The following UNC5D variants were observed in gnomAD, a reference collection of about 807,000 sequenced individuals.
UNC5D encodes the protein unc-5 netrin receptor D.
UNC5D carries 39 observed loss-of-function variants against 105.4 expected under a neutral mutation model. The ratio of observed to expected loss-of-function variants is 0.37; its 90% confidence interval spans 0.29 to 0.48. The LOEUF is 0.48. UNC5D is among the 20% of genes least tolerant of loss of function. UNC5D has a pLI of 0.98. For synonymous variants in UNC5D, 452 were observed against 450.4 expected (o/e 1.00, Z -0.04); for missense variants, 991 against 1,202.4 (o/e 0.82, Z 2.60).
At chr8:35,371,484 C>A (rs892524082) in intron 1 of UNC5D, among the ~76,000 whole-genome samples, 1 of 152,074 alleles carries the variant, frequency 6.6e-6, no homozygotes, top group African/African-American at 2.4e-5. Context: ...ATGTTAGAGA[C>A]ATGCAAAACT....
At chr8:35,284,682 A>T (rs1438923097) in intron 1 of UNC5D, among the ~76,000 whole-genome samples, 2 of 151,936 alleles carry the variant, frequency 1.3e-5, no homozygotes, top group Non-Finnish European at 2.9e-5. Flanking sequence ...AGCCTCCTGG[A>T]TAGCTGATAC....
chr8:35,373,508 G>T (rs2128926799), intron 1 of UNC5D, among the ~76,000 whole-genome samples: 1 of 152,240 alleles, frequency 6.6e-6, no homozygotes, highest in Middle Eastern at 3.4e-3. Flanking sequence ...GATTCTACAT[G>T]CTTGTTCTCC....
chr8:35,598,357 T>G (rs1341488547), intron 4 of UNC5D, among the ~76,000 whole-genome samples: 1 of 152,198 alleles, frequency 6.6e-6, no homozygotes, highest in Non-Finnish European at 1.5e-5. Flanking sequence ...CATGAAGCAG[T>G]GCTGCTCAAG....
intron 10 of UNC5D, 149 bp from the exon 11 acceptor site, chr8:35,730,863 C>A: frequency 3.1e-6 from 2 of 635,414 alleles, no homozygotes; most frequent in Non-Finnish European, 2.7e-6. Context: ...CTGTTATAAT[C>A]TTGAACCTTA....
chr8:35,573,681 G>C (rs1817902110), intron 3 of UNC5D, among the ~76,000 whole-genome samples: 1 of 152,174 alleles, frequency 6.6e-6, no homozygotes, highest in South Asian at 2.1e-4. Context: ...TTTCCTTTCT[G>C]ATTCTGTTTA....
chr8:35,504,559 G>A (rs371037257), intron 1 of UNC5D, among the ~76,000 whole-genome samples: 2 of 152,150 alleles, frequency 1.3e-5, no homozygotes, highest in Non-Finnish European at 2.9e-5. Flanking sequence ...GGAAGGCCGA[G>A]GTTTTACCAC....
At chr8:35,375,935 T>G (rs1277485797) in intron 1 of UNC5D, among the ~76,000 whole-genome samples, 5 of 152,222 alleles carry the variant, frequency 3.3e-5, no homozygotes, top group Non-Finnish European at 7.3e-5. Flanking sequence ...TCTACCTCTT[T>G]ATACTCTCCC....
rs190282637 is a variant in UNC5D, at chr8:35,749,904, T to C, written c.1936-678T>C. Among the ~76,000 whole-genome samples, 652 of 149,774 alleles carry C rather than the reference T, an allele frequency of 4.4e-3. 5 individuals carry two copies. The highest frequency in any genetic ancestry group is 9.4e-3 in the Admixed American group (142 of 15,118). ...TTATTTAGTGGTCCCTTGTAAATGA[T>C]TTCAGTGGAATGAAAGAGGATAAAA... On this transcript the variant is annotated intron_variant, in intron 12 of 16. Coordinates refer to ENST00000404895, the MANE Select transcript of UNC5D (RefSeq NM_080872.4).
intron 3 of UNC5D, among the ~76,000 whole-genome samples, chr8:35,575,765 C>T (rs1300146762): frequency 1.3e-5 from 2 of 152,118 alleles, no homozygotes; most frequent in Non-Finnish European, 2.9e-5. Context: ...TCTGTAAATG[C>T]TCAGTCCTTT....
rs1802997808 is a variant in UNC5D, at chr8:35,790,653, G to A, written c.*90G>A. 1 of 1,407,152 alleles carries A rather than the reference G, an allele frequency of 7.1e-7. No homozygotes were observed. Among genetic ancestry groups the A allele is most frequent in the Non-Finnish European group, 9.8e-7 (1 of 1,017,206 alleles). 87.2% of individuals were successfully genotyped at this position (1,407,152 alleles called of 1,614,324 possible). ...GGCCGCTTTCTGCCCAGTGGCGTTG[G>A]GGGAATTCAGCCTTCATTTATAATC... On this transcript the variant is annotated 3_prime_UTR_variant, in exon 17 of 17. Transcript: ENST00000404895.
At chr8:35,606,804 C>A (rs1395243626) in intron 4 of UNC5D, among the ~76,000 whole-genome samples, 1 of 152,204 alleles carries the variant, frequency 6.6e-6, no homozygotes, top group African/African-American at 2.4e-5. Flanking sequence ...GCATACCCAG[C>A]CACCCACACT....
chr8:35,303,076 G>A (rs1412432883), intron 1 of UNC5D, among the ~76,000 whole-genome samples: 3 of 151,952 alleles, frequency 2.0e-5, no homozygotes, highest in African/African-American at 7.3e-5. Context: ...ATAATATTAT[G>A]TCAACATATA....
intron 1 of UNC5D, among the ~76,000 whole-genome samples, chr8:35,448,320 T>C (rs1165899717): frequency 6.6e-6 from 1 of 152,076 alleles, no homozygotes; most frequent in East Asian, 1.9e-4. Context: ...GGAAAGGAGT[T>C]AAATGAGGGG....
intron 1 of UNC5D, among the ~76,000 whole-genome samples, chr8:35,524,693 A>G (rs1813732799): frequency 6.6e-6 from 1 of 151,516 alleles, no homozygotes; most frequent in Non-Finnish European, 1.5e-5. Context: ...AAAGAAAACA[A>G]AAATTTAAAG....
chr8:35,370,632 A>C (rs1802377553), intron 1 of UNC5D, among the ~76,000 whole-genome samples: 1 of 152,222 alleles, frequency 6.6e-6, no homozygotes, highest in Non-Finnish European at 1.5e-5. Context: ...TAGAAAAAAA[A>C]GGAACCAAAT....
chr8:35,611,041 C>T (rs981230841), intron 4 of UNC5D, among the ~76,000 whole-genome samples: 3 of 111,344 alleles, frequency 2.7e-5, no homozygotes, highest in African/African-American at 1.0e-4. Context: ...AAGTGCAAAA[C>T]ATTTAGTAGT....
intron 16 of UNC5D, among the ~76,000 whole-genome samples, chr8:35,787,382 T>G (rs780075655): frequency 6.6e-6 from 1 of 152,186 alleles, no homozygotes; most frequent in Non-Finnish European, 1.5e-5. Context: ...AACAAAAGAA[T>G]GTCCATGGTC....
In UNC5D at chr8:35,683,673, G is replaced by T. The variant is rs1298267760; in HGVS notation, c.697G>T (p.Ala233Ser). The change falls in exon 5 of 17, where the codon GCA becomes TCA. Residue 233 changes from alanine to serine, a missense_variant. By Grantham distance (99) the Ala-to-Ser change is moderately conservative. Transcript: ENST00000404895. ...GGACTCAGGAAATTACACCTGCATG[G>T]CAGCCAACATCGTGGCTAAGAGGAG... ...LSDSGNYTCM[A>S]ANIVAKRRSL... 1 of 1,565,530 alleles carries T rather than the reference G, an allele frequency of 6.4e-7. No homozygotes were observed. The highest frequency in any genetic ancestry group is 8.6e-7 in the Non-Finnish European group (1 of 1,163,174).
At chr8:35,320,762 C>T (rs192012103) in intron 1 of UNC5D, among the ~76,000 whole-genome samples, 272 of 152,136 alleles carry the variant, frequency 1.8e-3, no homozygotes, top group African/African-American at 6.5e-3. Flanking sequence ...ATGTCTGACA[C>T]CCACTTCCAA....
Sources: gnomAD v4.1 joint callset for allele counts (sites outside exome capture counted in the v4.1 genomes callset) on GRCh38, gnomAD v4.1.1 for gene constraint, MANE v1.5 for transcripts, NCBI Gene and HGNC (gene_info 2026-07-23, HGNC 2026-07-21) for gene names.